MYO1D: variants seen among roughly 807,000 people sequenced by gnomAD.
MYO1D encodes the protein unconventional myosin-Id.
In MYO1D, 83 loss-of-function variants were observed where a neutral mutation model predicts 122.0. The observed-to-expected ratio is 0.68, with a 90% CI of 0.57 to 0.82. MYO1D has a LOEUF of 0.82. Ranked by LOEUF, MYO1D falls within the 40% of genes least tolerant of loss-of-function variation. The probability of loss-of-function intolerance (pLI) is 0.00; values close to 1 mark genes in which losing one functional copy is unlikely to be tolerated. For synonymous variants in MYO1D, 464 were observed against 446.9 expected, an observed-to-expected ratio of 1.04 and a Z score of -0.48; for missense variants, 1,157 against 1,269.5, an observed-to-expected ratio of 0.91 and a Z score of 1.35.
chr17:32,749,495 C>T (rs1000704185), intron 11 of MYO1D, among the ~76,000 whole-genome samples: 1 of 152,198 alleles, frequency 6.6e-6, no homozygotes, highest in Non-Finnish European at 1.5e-5. Context: ...CTTTGGGAGG[C>T]TGAGGCAGGC....
intron 21 of MYO1D, among the ~76,000 whole-genome samples, chr17:32,552,137 G>A (rs1357125204): frequency 3.3e-5 from 5 of 152,184 alleles, no homozygotes; most frequent in African/African-American, 7.2e-5. Flanking sequence ...GGGCATTGGC[G>A]TAATCATGGC....
intron 14 of MYO1D, among the ~76,000 whole-genome samples, chr17:32,723,538 C>A (rs990962164): frequency 2.0e-5 from 3 of 151,892 alleles, no homozygotes; most frequent in African/African-American, 7.3e-5. Context: ...AGTCTCTACA[C>A]CACTTCTCGA....
At chr17:32,693,883 G>A (rs969498130) in intron 16 of MYO1D, among the ~76,000 whole-genome samples, 4 of 152,204 alleles carry the variant, frequency 2.6e-5, no homozygotes, top group South Asian at 2.1e-4. Context: ...GAGTGGGGCC[G>A]GGTGTGAGGG....
At chr17:32,503,745 T>C (rs191293765) in intron 21 of MYO1D, among the ~76,000 whole-genome samples, 1 of 152,320 alleles carries the variant, frequency 6.6e-6, no homozygotes, top group Admixed American at 6.5e-5. Flanking sequence ...TAGGACATAA[T>C]GCATGCTCTC....
At chr17:32,753,283 G>T (rs569932367) in intron 11 of MYO1D, among the ~76,000 whole-genome samples, 2 of 152,114 alleles carry the variant, frequency 1.3e-5, no homozygotes, top group South Asian at 4.2e-4. Flanking sequence ...TACATATTGG[G>T]TACAATGTTC....
intron 20 of MYO1D, among the ~76,000 whole-genome samples, chr17:32,623,360 A>C (rs1224006503): frequency 1.3e-5 from 2 of 152,058 alleles, no homozygotes; most frequent in African/African-American, 4.8e-5. Flanking sequence ...CCAATAACAA[A>C]GAAACAAACT....
At chr17:32,658,874 TCCAGGGGTTGTGGCACATTG>T (rs537376812) in intron 17 of MYO1D, 189 of 531,606 alleles carry the variant, frequency 3.6e-4, no homozygotes, top group African/African-American at 3.5e-3. Flanking sequence ...ATGGCTTGTG[TCCAGGGGTTGTGGCACATTG>T]CTGTCAGCTG....
Position 32,575,493 on chromosome 17 carries a change from G to A in MYO1D, c.2864+29594C>T, listed in dbSNP as rs140584084. Among the ~76,000 whole-genome samples, 284 of 152,330 alleles carry A rather than the reference G, an allele frequency of 1.9e-3. 2 individuals carry two copies. The highest frequency in any genetic ancestry group is 6.5e-3 in the African/African-American group (269 of 41,564). ...GGTTAAATAAAATTTTCCATGTGGT[G>A]TGATTATATAGTACAAGGAAAGAGA... On this transcript the variant is annotated intron_variant, in intron 21 of 21. Coordinates refer to ENST00000318217, the MANE Select transcript of MYO1D (RefSeq NM_015194.3).
At chr17:32,718,987 G>A (rs924715793) in intron 15 of MYO1D, among the ~76,000 whole-genome samples, 1 of 152,152 alleles carries the variant, frequency 6.6e-6, no homozygotes, top group African/African-American at 2.4e-5. Flanking sequence ...TAGATACTTA[G>A]TAGGCATTTC....
chr17:32,542,798 C>T (rs1000318076), intron 21 of MYO1D, among the ~76,000 whole-genome samples: 12 of 152,052 alleles, frequency 7.9e-5, no homozygotes. Flanking sequence ...GCCCTCCAAC[C>T]CTTAGAAGTA....
At chr17:32,704,445 C>A (rs2089282619) in intron 16 of MYO1D, among the ~76,000 whole-genome samples, 1 of 152,134 alleles carries the variant, frequency 6.6e-6, no homozygotes, top group African/African-American at 2.4e-5. Context: ...AACTCCTTCC[C>A]ACATTAGTTG....
chr17:32,570,317 T>C (rs8066534), intron 21 of MYO1D, among the ~76,000 whole-genome samples: 31,348 of 152,040 alleles, frequency 0.21, 3,447 homozygotes, highest in East Asian at 0.31. Context: ...TACAGGATAG[T>C]TTCCTCCTAT....
At chr17:32,560,980 C>T (rs1417359173) in intron 21 of MYO1D, among the ~76,000 whole-genome samples, 1 of 148,186 alleles carries the variant, frequency 6.7e-6, no homozygotes, top group East Asian at 2.0e-4. Flanking sequence ...GGTGTGATCT[C>T]GATTCACTGC....
chr17:32,633,861 A>G (rs2088058625), intron 20 of MYO1D, among the ~76,000 whole-genome samples: 1 of 152,168 alleles, frequency 6.6e-6, no homozygotes, highest in African/African-American at 2.4e-5. Flanking sequence ...ATTTAAACTT[A>G]CAACACACCT....
At chr17:32,664,499 G>A (rs2088610988) in intron 16 of MYO1D, among the ~76,000 whole-genome samples, 1 of 152,138 alleles carries the variant, frequency 6.6e-6, no homozygotes, top group Admixed American at 6.5e-5. Flanking sequence ...ACAAACAAGG[G>A]AGCCAAAAGG....
rs1041693416 is a variant in MYO1D, at chr17:32,544,467, C to G, written c.2865-49552G>C. Reference sequence around the variant, plus strand: ...AAAATTCTACTGTCCAAATTGTACACATGATTAATGAAATAGTGGTATATT... The same window carrying G: ...AAAATTCTACTGTCCAAATTGTACAGATGATTAATGAAATAGTGGTATATT... On this transcript the variant is annotated intron_variant, in intron 21 of 21. Coordinates refer to ENST00000318217, the MANE Select transcript of MYO1D (RefSeq NM_015194.3). Among the ~76,000 whole-genome samples, 18 of 152,214 alleles carry G rather than the reference C, an allele frequency of 1.2e-4. No individual in the cohort carries two copies. The East Asian group carries it at 2.3e-3, about 20-fold the overall frequency.
At chr17:32,586,094 T>C (rs143452964) in intron 21 of MYO1D, among the ~76,000 whole-genome samples, 7 of 152,170 alleles carry the variant, frequency 4.6e-5, no homozygotes, top group East Asian at 1.9e-4. Context: ...CCTTTCCCCA[T>C]TGAACAGAGA....
intron 1 of MYO1D, among the ~76,000 whole-genome samples, chr17:32,866,681 TG>T (rs943363742): frequency 1.3e-5 from 2 of 152,176 alleles, no homozygotes; most frequent in African/African-American, 2.4e-5. Flanking sequence ...TGGGAGAATT[TG>T]GGGCAGCATA....
chr17:32,518,182 C>G (rs1909965835), intron 21 of MYO1D: 1 of 194,572 alleles, frequency 5.1e-6, no homozygotes, highest in Admixed American at 5.9e-5. Context: ...TCTTTCTTGT[C>G]CCCTTCTCAT....
Sources: allele counts gnomAD v4.1 joint callset (sites outside exome capture counted in the v4.1 genomes callset), GRCh38; gene constraint gnomAD v4.1.1; transcripts MANE v1.5; gene names NCBI Gene and HGNC (gene_info 2026-07-23, HGNC 2026-07-21).